The following ZFAT variants were observed in gnomAD, a reference collection of about 807,000 sequenced individuals.
The protein encoded by ZFAT is zinc finger and AT-hook domain containing, also known as zinc finger protein ZFAT.
In ZFAT, 64 loss-of-function variants were observed where a neutral mutation model predicts 117.7. The observed-to-expected ratio is 0.54, with a 90% CI of 0.44 to 0.67. The LOEUF is 0.67. Among genes scored for constraint, ZFAT ranks in the 30% least tolerant of loss-of-function variants. The probability of loss-of-function intolerance (pLI) is 0.00; values close to 1 mark genes in which losing one functional copy is unlikely to be tolerated. For missense variants in ZFAT, 1,433 were observed against 1,584.5 expected, an observed-to-expected ratio of 0.90 and a Z score of 1.62; for synonymous variants, 679 against 615.0, an observed-to-expected ratio of 1.10 and a Z score of -1.54.
chr8:134,490,229 C>T (rs543855991), intron 15 of ZFAT, among the ~76,000 whole-genome samples: 33 of 152,278 alleles, frequency 2.2e-4, no homozygotes, highest in African/African-American at 7.2e-4. Context: ...TTAAAGAGAT[C>T]CAGGGGTTTG....
intron 13 of ZFAT, among the ~76,000 whole-genome samples, chr8:134,516,266 T>C (rs1160341126): frequency 6.6e-6 from 1 of 152,190 alleles, no homozygotes; most frequent in Non-Finnish European, 1.5e-5. Flanking sequence ...AAAAGCTTAA[T>C]TAGATTCAGA....
chr8:134,754,048 A>G, the ZFAT span, among the ~76,000 whole-genome samples: 4 of 152,210 alleles, frequency 2.6e-5, no homozygotes, highest in Non-Finnish European at 5.9e-5. Flanking sequence ...TGGGGTCAAT[A>G]TAGTGGAAAG....
At chr8:134,520,542 G>A (rs146168729) in intron 13 of ZFAT, among the ~76,000 whole-genome samples, 263 of 152,182 alleles carry the variant, frequency 1.7e-3, no homozygotes, top group Middle Eastern at 6.8e-3. Context: ...CTCTCGGTGA[G>A]GATGGCAATA....
chr8:134,820,272 AG>A, the ZFAT span, among the ~76,000 whole-genome samples: 1 of 152,208 alleles, frequency 6.6e-6, no homozygotes, highest in Non-Finnish European at 1.5e-5. Flanking sequence ...GATTCAGCCT[AG>A]GGATGAGATG....
chr8:134,500,533 T>C (rs1055907801), intron 15 of ZFAT, among the ~76,000 whole-genome samples: 7 of 152,234 alleles, frequency 4.6e-5, no homozygotes, highest in Admixed American at 4.6e-4. Flanking sequence ...ATTTTTACTT[T>C]AAAAATTTCA....
chr8:134,660,045 C>T (rs1381958299), intron 1 of ZFAT, among the ~76,000 whole-genome samples: 1 of 152,190 alleles, frequency 6.6e-6, no homozygotes, highest in Admixed American at 6.5e-5. Context: ...CCTAAGGAAC[C>T]CAAAATGCTT....
chr8:134,758,586 C>T, the ZFAT span, among the ~76,000 whole-genome samples: 1 of 152,134 alleles, frequency 6.6e-6, no homozygotes, highest in African/African-American at 2.4e-5. Flanking sequence ...ATGGCCCTGG[C>T]CATTGTGTCT....
chr8:134,634,054 C>T (rs1054952456), intron 3 of ZFAT, among the ~76,000 whole-genome samples: 1 of 97,232 alleles, frequency 1.0e-5, no homozygotes, highest in African/African-American at 3.6e-5. Flanking sequence ...CTCAAAAAAA[C>T]AAAACAAAAC....
chr8:134,775,329 T>C, the ZFAT span, among the ~76,000 whole-genome samples: 1 of 152,226 alleles, frequency 6.6e-6, no homozygotes. Context: ...ATTTGAAGCA[T>C]AAGGATTTTT....
At chr8:134,597,871 T>A (rs979372103) in intron 7 of ZFAT, 4 of 152,222 alleles carry the variant, frequency 2.6e-5, no homozygotes, top group Non-Finnish European at 4.4e-5. Flanking sequence ...CTAGCATATC[T>A]CTTTTGTAAG....
intron 15 of ZFAT, among the ~76,000 whole-genome samples, chr8:134,487,248 C>G (rs891507235): frequency 8.5e-5 from 13 of 152,182 alleles, no homozygotes; most frequent in African/African-American, 3.1e-4. Flanking sequence ...TGCTTCCTTT[C>G]CTTCTTTCTC....
At chr8:134,717,202 A>C (rs1814221105), upstream of ZFAT, among the ~76,000 whole-genome samples, 1 of 152,182 alleles carries the variant, frequency 6.6e-6, no homozygotes, top group Admixed American at 6.5e-5. Flanking sequence ...TCATGGACCC[A>C]AGACTTCATG....
At chr8:134,750,525 A>G in the ZFAT span, among the ~76,000 whole-genome samples, 1 of 152,144 alleles carries the variant, frequency 6.6e-6, no homozygotes, top group Non-Finnish European at 1.5e-5. Flanking sequence ...AAATTGAAAT[A>G]TTTTTTTTAA....
chr8:134,478,638 C>A lies in ZFAT; in HGVS notation c.3576G>T (p.Gln1192His). Residue 1192 changes from glutamine to histidine, a missense_variant, in exon 16 of 16, where the codon CAG (glutamine) becomes CAT (histidine). Gln to His is a conservative substitution (Grantham distance 24). This residue lies in a region of ZFAT where 503 missense variants were observed against 543.4 expected (regional missense o/e 0.93). Transcript: ENST00000377838. The surrounding 1 kb of genome is among the most constrained non-coding windows in gnomAD (Gnocchi z 5.2). The stretch of plus-strand genomic sequence containing the variant: ...CGTCGGAGGACACCACCAGGTGGTG[C>A]TGCTCGGCAAGCTCCACGGACGCTT... ...VQQASVELAEQHHLVVSSDDV... is the reference protein window; with the variant it reads ...VQQASVELAEHHHLVVSSDDV... The A allele has an allele frequency of 1.9e-6, 3 of 1,584,484 alleles. No individual in the cohort carries two copies. The highest frequency in any genetic ancestry group is 2.6e-6 in the Non-Finnish European group (3 of 1,165,862).
chr8:134,596,973 C>T (rs1212757326), intron 7 of ZFAT, among the ~76,000 whole-genome samples: 1 of 146,676 alleles, frequency 6.8e-6, no homozygotes, highest in Non-Finnish European at 1.5e-5. Context: ...ATGATAATTG[C>T]ACAACTCCGT....
At chr8:134,678,064 T>C (rs1397707823) in intron 1 of ZFAT, among the ~76,000 whole-genome samples, 4 of 152,084 alleles carry the variant, frequency 2.6e-5, no homozygotes, top group Non-Finnish European at 5.9e-5. Context: ...CTCTCACCAC[T>C]CCTATTCAAC....
intron 1 of ZFAT, among the ~76,000 whole-genome samples, chr8:134,660,145 C>T (rs780596909): frequency 3.9e-5 from 6 of 152,058 alleles, no homozygotes; most frequent in Non-Finnish European, 7.4e-5. Context: ...TACAATAATC[C>T]AATGATTTAG....
intron 1 of ZFAT, among the ~76,000 whole-genome samples, chr8:134,709,337 C>A (rs935490250): frequency 1.3e-5 from 2 of 152,238 alleles, no homozygotes; most frequent in African/African-American, 4.8e-5. Context: ...ATGCCATCAG[C>A]AGCCACCTGT....
chr8:134,648,705 A>G (rs1199088431), intron 2 of ZFAT, among the ~76,000 whole-genome samples: 1 of 152,160 alleles, frequency 6.6e-6, no homozygotes, highest in African/African-American at 2.4e-5. Flanking sequence ...ATTCTACCAA[A>G]TGTTTAAAGA....
Sources: allele counts gnomAD v4.1 joint callset (sites outside exome capture counted in the v4.1 genomes callset), GRCh38; gene constraint gnomAD v4.1.1; regional missense constraint gnomAD v4.1.1; non-coding constraint Gnocchi (gnomAD v3.1); transcripts MANE v1.5; gene names NCBI Gene and HGNC (gene_info 2026-07-23, HGNC 2026-07-21).